The following SLC44A5 variants were observed in gnomAD, a reference collection of about 807,000 sequenced individuals.
SLC44A5 encodes the protein choline transporter-like protein 5.
A neutral mutation model predicts 101.8 loss-of-function variants in SLC44A5; 57 were observed. The observed-to-expected ratio is 0.56, with a 90% confidence interval of 0.45 to 0.70. The LOEUF (loss-of-function observed/expected upper bound fraction) is 0.70, where lower values mean the gene tolerates loss of function less well. Ranked by LOEUF, SLC44A5 falls within the 30% of genes least tolerant of loss-of-function variation. The pLI, the probability that SLC44A5 is intolerant of heterozygous loss-of-function variation, is 0.00. For synonymous variants in SLC44A5, 281 were observed against 290.9 expected, an observed-to-expected ratio of 0.97 and a Z score of 0.35; for missense variants, 737 against 853.1, an observed-to-expected ratio of 0.86 and a Z score of 1.70.
Position 75,475,951 on chromosome 1 carries a change from G to A in SLC44A5, c.13+65484C>T, listed in dbSNP as rs147450559. Among the ~76,000 whole-genome samples the A allele has an allele frequency of 4.6e-3, 703 of 152,332 alleles. 4 individuals are homozygous for A. The highest frequency in any genetic ancestry group is 0.015 in the African/African-American group (615 of 41,578). ...TGTAATCCCAGCACTTCGGGAAGCC[G>A]AGGTGGGCGGATCATGAGGTCAGGA... is the stretch of plus-strand genomic sequence containing the variant. On this transcript the variant is annotated intron_variant, in intron 2 of 23. Coordinates refer to ENST00000370859, the MANE Select transcript of SLC44A5 (RefSeq NM_001130058.2).
At chr1:75,611,905 A>C (rs531192085), upstream of SLC44A5, among the ~76,000 whole-genome samples, 1 of 151,806 alleles carries the variant, frequency 6.6e-6, no homozygotes, top group Non-Finnish European at 1.5e-5. Context: ...CATTCTGCCT[A>C]CTGCACAGTC....
At chr1:75,273,243 G>A (rs1651638363) in intron 6 of SLC44A5, among the ~76,000 whole-genome samples, 1 of 152,058 alleles carries the variant, frequency 6.6e-6, no homozygotes, top group African/African-American at 2.4e-5. Context: ...TGTAACCCGA[G>A]CCTTTAGTGA....
Position 75,388,873 on chromosome 1 carries a change from G to A in SLC44A5, c.52+7710C>T, listed in dbSNP as rs1311033415. On this transcript the variant is annotated intron_variant, in intron 3 of 23. Transcript: ENST00000370859. ...ACTAAAAGGCATAGAGTGGCAAATT[G>A]GATTTTTCTTTTAAAAAAAAGACCC... Among the ~76,000 whole-genome samples, 3 of 151,598 alleles carry A rather than the reference G, an allele frequency of 2.0e-5. No homozygotes were observed. In the East Asian group the frequency reaches 5.8e-4, roughly 29 times the overall value.
At chr1:75,293,168 G>A (rs571286501) in intron 5 of SLC44A5, among the ~76,000 whole-genome samples, 1 of 152,326 alleles carries the variant, frequency 6.6e-6, no homozygotes, top group South Asian at 2.1e-4. Flanking sequence ...AAGAGATGGT[G>A]AAAAATTTAT....
chr1:75,231,277 T>C lies in SLC44A5; in HGVS notation c.853+2709A>G, dbSNP rs150723449. On this transcript the variant is annotated intron_variant, in intron 12 of 23. Coordinates refer to ENST00000370859, the MANE Select transcript of SLC44A5 (RefSeq NM_001130058.2). ...GGGTTACCCAGTGCTTCCTGCTTGG[T>C]TCCCCGCTTTGATTTTAGCTCATGA... Among the ~76,000 whole-genome samples the C allele has an allele frequency of 3.0e-3, 462 of 152,310 alleles. 4 individuals carry two copies. The highest frequency in any genetic ancestry group is 0.01 in the African/African-American group (424 of 41,576).
chr1:75,705,493 T>C, the SLC44A5 span, among the ~76,000 whole-genome samples: 1 of 152,216 alleles, frequency 6.6e-6, no homozygotes, highest in African/African-American at 2.4e-5. Flanking sequence ...ATGATTTACA[T>C]ATTTCTAGAA....
chr1:75,293,713 G>T (rs891522776), intron 5 of SLC44A5, among the ~76,000 whole-genome samples: 14 of 152,102 alleles, frequency 9.2e-5, no homozygotes, highest in African/African-American at 2.9e-4. Context: ...TTCACAGGTG[G>T]CCTCTTCTAC....
intron 4 of SLC44A5, among the ~76,000 whole-genome samples, chr1:75,321,372 TGCCA>T (rs1656129076): frequency 6.6e-6 from 1 of 152,038 alleles, no homozygotes; most frequent in African/African-American, 2.4e-5. Flanking sequence ...AAGATCAAGG[TGCCA>T]GCCAATCTGG....
chr1:75,287,676 T>A (rs1653183132), intron 5 of SLC44A5, among the ~76,000 whole-genome samples: 1 of 152,092 alleles, frequency 6.6e-6, no homozygotes, highest in East Asian at 1.9e-4. Flanking sequence ...CCCCAAGGGA[T>A]GGGGCATCCT....
chr1:75,441,308 C>A (rs1478400699), intron 2 of SLC44A5, among the ~76,000 whole-genome samples: 1 of 152,106 alleles, frequency 6.6e-6, no homozygotes, highest in Non-Finnish European at 1.5e-5. Flanking sequence ...GAACTCTGCT[C>A]TCCAAATGCA....
intron 3 of SLC44A5, among the ~76,000 whole-genome samples, chr1:75,367,458 C>G (rs1659935528): frequency 6.6e-6 from 1 of 152,164 alleles, no homozygotes. Flanking sequence ...GGCCTATTAA[C>G]AGGTTTGTGG....
rs372642108 is a variant in SLC44A5, at chr1:75,520,498, A to G, written c.13+20937T>C. On this transcript the variant is annotated intron_variant, in intron 2 of 23. Transcript: ENST00000370859. Reference sequence around the variant, plus strand: ...GCCAAATAAATGGATGAATGGGGGCATGAACAGAAGGATGGACAGACAGTA... The same window carrying G: ...GCCAAATAAATGGATGAATGGGGGCGTGAACAGAAGGATGGACAGACAGTA... Among the ~76,000 whole-genome samples, 13 of 152,320 alleles carry G rather than the reference A, an allele frequency of 8.5e-5. No individual in the cohort carries two copies. In the East Asian group the frequency reaches 2.1e-3, roughly 25 times the overall value.
intron 2 of SLC44A5, among the ~76,000 whole-genome samples, chr1:75,473,745 G>A (rs1253386524): frequency 6.6e-6 from 1 of 151,956 alleles, no homozygotes; most frequent in East Asian, 1.9e-4. Context: ...TATTTTTTAT[G>A]TTCTTTCCAT....
At chr1:75,651,513 G>A in the SLC44A5 span, among the ~76,000 whole-genome samples, 4 of 151,760 alleles carry the variant, frequency 2.6e-5, no homozygotes, top group African/African-American at 4.8e-5. Flanking sequence ...TGGCTAACAC[G>A]GTGAAACCTC....
the SLC44A5 span, among the ~76,000 whole-genome samples, chr1:75,674,040 A>G: frequency 6.6e-6 from 1 of 152,136 alleles, no homozygotes; most frequent in Admixed American, 6.5e-5. Context: ...AGACCAGCAA[A>G]ACATGACCTC....
intron 2 of SLC44A5, among the ~76,000 whole-genome samples, chr1:75,488,509 C>T (rs1570431984): frequency 6.6e-6 from 1 of 152,086 alleles, no homozygotes; most frequent in Admixed American, 6.6e-5. Context: ...ATGCAGTACA[C>T]GATTGTAAAA....
intron 1 of SLC44A5, among the ~76,000 whole-genome samples, chr1:75,544,658 G>T (rs1671547679): frequency 6.6e-6 from 1 of 152,002 alleles, no homozygotes; most frequent in Non-Finnish European, 1.5e-5. Flanking sequence ...TCAAATCCAA[G>T]AATTTAACAT....
chr1:75,683,647 C>G, the SLC44A5 span, among the ~76,000 whole-genome samples: 211 of 152,200 alleles, frequency 1.4e-3, no homozygotes, highest in African/African-American at 4.6e-3. Flanking sequence ...GGGAGATATA[C>G]CTAATGCTAG....
chr1:75,471,045 C>T (rs1667079899), intron 2 of SLC44A5, among the ~76,000 whole-genome samples: 1 of 152,034 alleles, frequency 6.6e-6, no homozygotes, highest in South Asian at 2.1e-4. Flanking sequence ...AAATATAATG[C>T]AGAGAGGGAA....
Sources: allele counts gnomAD v4.1 joint callset (sites outside exome capture counted in the v4.1 genomes callset), GRCh38; gene constraint gnomAD v4.1.1; transcripts MANE v1.5; gene names NCBI Gene and HGNC (gene_info 2026-07-23, HGNC 2026-07-21).